TAPT1: variants seen among roughly 807,000 people sequenced by gnomAD.
The protein encoded by TAPT1 is transmembrane anterior posterior transformation 1.
A neutral mutation model predicts 65.6 loss-of-function variants in TAPT1; 28 were observed. That is an observed-to-expected ratio of 0.43 (90% CI 0.32 to 0.59). The LOEUF (loss-of-function observed/expected upper bound fraction) is 0.59, where lower values mean the gene tolerates loss of function less well. TAPT1 is among the 20% of genes least tolerant of loss of function. TAPT1 has a pLI of 0.09. For missense variants in TAPT1, 563 were observed against 679.9 expected, an observed-to-expected ratio of 0.83 and a Z score of 1.91; for synonymous variants, 278 against 245.2, an observed-to-expected ratio of 1.13 and a Z score of -1.25.
intron 1 of TAPT1, among the ~76,000 whole-genome samples, chr4:16,219,997 C>T (rs566545973): frequency 1.3e-5 from 2 of 152,340 alleles, no homozygotes; most frequent in South Asian, 4.1e-4. Flanking sequence ...TCGAGTTAGC[C>T]TCGCTGCTTC....
At chr4:16,164,334 C>T (rs943671905) in intron 13 of TAPT1, among the ~76,000 whole-genome samples, 1 of 152,128 alleles carries the variant, frequency 6.6e-6, no homozygotes, top group Admixed American at 6.6e-5. Flanking sequence ...GTCTCTTTTA[C>T]AACGTGATGA....
At chr4:16,185,610 C>T (rs932367783) in intron 7 of TAPT1, among the ~76,000 whole-genome samples, 9 of 152,278 alleles carry the variant, frequency 5.9e-5, no homozygotes, top group Middle Eastern at 3.4e-3. Flanking sequence ...CTCAGGTGAT[C>T]CACCAGCCTC....
intron 8 of TAPT1, chr4:16,176,481 A>T (rs991013826): frequency 8.5e-6 from 2 of 236,360 alleles, no homozygotes; most frequent in Non-Finnish European, 1.6e-5. Context: ...GGATCACCTG[A>T]GATCAGGAGT....
At chr4:16,206,978 TACC>T (rs1219583193) in intron 2 of TAPT1, among the ~76,000 whole-genome samples, 5 of 152,182 alleles carry the variant, frequency 3.3e-5, no homozygotes, top group African/African-American at 7.2e-5. Flanking sequence ...CTGTGGTCAC[TACC>T]ACCACAAGCA....
At chr4:16,206,696 C>T (rs968957308) in intron 2 of TAPT1, among the ~76,000 whole-genome samples, 1 of 152,138 alleles carries the variant, frequency 6.6e-6, no homozygotes, top group African/African-American at 2.4e-5. Context: ...TGAATGATCA[C>T]AGCAGCCTGA....
rs754915107 is a variant in TAPT1, at chr4:16,166,811, A to C, written c.1314-18T>G. ...ATATCAACCTAAAAACAGAAACAAA[A>C]CAAACCACATCCGTTGGAATTCATC... On this transcript the variant is annotated intron_variant, in intron 12 of 13. Coordinates refer to ENST00000405303, the MANE Select transcript of TAPT1 (RefSeq NM_153365.3). 3.5e-5 allele frequency: 57 copies of C among 1,611,638 alleles called. No homozygotes were observed. The highest frequency in any genetic ancestry group is 2.3e-4 in the Admixed American group (14 of 59,986).
chr4:16,213,490 A>C (rs1750760457), intron 2 of TAPT1, among the ~76,000 whole-genome samples: 1 of 152,240 alleles, frequency 6.6e-6, no homozygotes, highest in Non-Finnish European at 1.5e-5. Context: ...ACAGAAGTAG[A>C]GATTAATTCC....
intron 7 of TAPT1, among the ~76,000 whole-genome samples, chr4:16,185,363 C>T (rs149881650): frequency 6.6e-6 from 1 of 150,668 alleles, no homozygotes; most frequent in East Asian, 1.9e-4. Context: ...CCTTTGGAAT[C>T]ATCGTAATTT....
intron 13 of TAPT1, among the ~76,000 whole-genome samples, chr4:16,164,753 C>G (rs142097245): frequency 2.0e-5 from 3 of 152,086 alleles, no homozygotes; most frequent in Non-Finnish European, 4.4e-5. Flanking sequence ...AACTAATATG[C>G]GTAACAAGAG....
rs2149658117 is a variant in TAPT1, at chr4:16,161,082, T to C, written c.*2226A>G. ...CACTTGTAAAATGCAAATACCTTCATTTGCTGAGAAATATTAAATGGTCTA... is the reference window on the plus strand; with the variant it reads ...CACTTGTAAAATGCAAATACCTTCACTTGCTGAGAAATATTAAATGGTCTA... On this transcript the variant is annotated 3_prime_UTR_variant, in exon 14 of 14. Coordinates refer to ENST00000405303, the MANE Select transcript of TAPT1 (RefSeq NM_153365.3). The C allele has an allele frequency of 6.5e-6, 1 of 152,748 alleles. No individual in the cohort carries two copies. The highest frequency in any genetic ancestry group is 3.4e-3 in the Middle Eastern group (1 of 294). The allele number at this position is 152,748 out of a possible 1,614,324, so 9.5% of individuals were successfully genotyped here.
chr4:16,213,578 T>C (rs1750764266), intron 2 of TAPT1, among the ~76,000 whole-genome samples, 190 bp downstream of exon 2: 1 of 152,194 alleles, frequency 6.6e-6, no homozygotes, highest in African/African-American at 2.4e-5. Flanking sequence ...TCTATTAATA[T>C]CCTATCACTG....
At chr4:16,223,253 T>A (rs554818152) in intron 1 of TAPT1, among the ~76,000 whole-genome samples, 1 of 152,288 alleles carries the variant, frequency 6.6e-6, no homozygotes, top group South Asian at 2.1e-4. Flanking sequence ...GATTCCTAAA[T>A]AAAAATATGG....
intron 1 of TAPT1, 149 bp downstream of exon 1, chr4:16,226,110 C>T: frequency 9.7e-7 from 1 of 1,027,412 alleles, no homozygotes; most frequent in South Asian, 4.7e-5. Context: ...TCGGCAGCCT[C>T]GGCGGCTCCG....
chr4:16,173,280 A>C (rs553044812), intron 11 of TAPT1, among the ~76,000 whole-genome samples: 1 of 152,120 alleles, frequency 6.6e-6, no homozygotes, highest in Non-Finnish European at 1.5e-5. Flanking sequence ...GTCTTAATTA[A>C]CATTATTATA....
intron 3 of TAPT1, among the ~76,000 whole-genome samples, chr4:16,197,530 G>C (rs1483627502): frequency 6.6e-6 from 1 of 152,110 alleles, no homozygotes; most frequent in Non-Finnish European, 1.5e-5. Flanking sequence ...AAAAATGCCA[G>C]GTAAATCAAA....
At chr4:16,212,576 G>A (rs1171557761) in intron 2 of TAPT1, among the ~76,000 whole-genome samples, 2 of 152,146 alleles carry the variant, frequency 1.3e-5, no homozygotes, top group Non-Finnish European at 2.9e-5. Context: ...GGAGTGCTGT[G>A]GAGAGCCCTG....
chr4:16,168,851 C>A (rs958556806), intron 12 of TAPT1, among the ~76,000 whole-genome samples: 1 of 152,214 alleles, frequency 6.6e-6, no homozygotes, highest in African/African-American at 2.4e-5. Context: ...CTGAGGGGCA[C>A]TGGGCAGAGA....
In TAPT1 at chr4:16,226,279, T is replaced by G; in HGVS notation, c.179A>C (p.Glu60Ala). Residue 60 changes from glutamate to alanine, a missense_variant, in exon 1 of 14, where the codon GAG becomes GCG. Glu to Ala is a moderately radical substitution (Grantham distance 107). Transcript: ENST00000405303. ...CTCACCTGTGCGGCCCCGGCGCCTCTCCCGCCGCCGGTCGCTCTCGTAGAA... is the reference window on the plus strand; with the variant it reads ...CTCACCTGTGCGGCCCCGGCGCCTCGCCCGCCGCCGGTCGCTCTCGTAGAA... ...LGFYESDRRRERRRGRTELSL... is the reference protein window; with the variant it reads ...LGFYESDRRRARRRGRTELSL... 1 of 1,125,344 alleles carries G rather than the reference T, an allele frequency of 8.9e-7. No individual in the cohort carries two copies. The highest frequency in any genetic ancestry group is 1.1e-6 in the Non-Finnish European group (1 of 920,586). The allele number at this position is 1,125,344 out of a possible 1,614,324, so 69.7% of individuals were successfully genotyped here.
chr4:16,215,138 AAAATT>A (rs1016923793), intron 1 of TAPT1, among the ~76,000 whole-genome samples: 21 of 152,078 alleles, frequency 1.4e-4, no homozygotes, highest in African/African-American at 4.8e-4. Flanking sequence ...AGTACAAAAA[AAAATT>A]AGCCGGGCGT....
Sources: gnomAD v4.1 joint callset for allele counts (sites outside exome capture counted in the v4.1 genomes callset) on GRCh38, gnomAD v4.1.1 for gene constraint, MANE v1.5 for transcripts, NCBI Gene and HGNC (gene_info 2026-07-23, HGNC 2026-07-21) for gene names.